Variants in MYOCD observed in about 807,000 individuals in gnomAD.
The protein encoded by MYOCD is myocardin.
A neutral mutation model predicts 96.1 loss-of-function variants in MYOCD; 32 were observed. The observed-to-expected ratio is 0.33, with a 90% CI of 0.25 to 0.45. The LOEUF is 0.45. Ranked by LOEUF, MYOCD falls within the 20% of genes least tolerant of loss-of-function variation. The pLI, the probability that MYOCD is intolerant of heterozygous loss-of-function variation, is 1.00. For missense variants in MYOCD, 1,133 were observed against 1,200.6 expected (o/e 0.94, Z 0.83); for synonymous variants, 469 against 469.0 (o/e 1.00, Z 0.00).
At chr17:12,726,982 A>T (rs2032018722) in intron 5 of MYOCD, among the ~76,000 whole-genome samples, 1 of 152,124 alleles carries the variant, frequency 6.6e-6, no homozygotes, top group African/African-American at 2.4e-5. Context: ...CCCCTCCTGA[A>T]TTTTAAAGTT....
rs1395139047 is a variant in MYOCD at position 12,722,982 on chromosome 17, A to C, written c.389A>C (p.Asp130Ala). The stretch of plus-strand genomic sequence containing the variant: ...GTGGAAAAAAACATTCTTCCTGTGG[A>C]TTCTGCTGTGAAAGAGGCCATAAAA... ...ELVEKNILPV[D>A]SAVKEAIKGN... The change falls in exon 5 of 14, where the codon GAT becomes GCT. Residue 130 changes from aspartate to alanine, a missense_variant. Coordinates refer to ENST00000425538, the MANE Select transcript of MYOCD (RefSeq NM_001146312.3). The C allele has an allele frequency of 3.7e-6, 6 of 1,613,850 alleles. No individual in the cohort carries two copies. In the African/African-American group the frequency reaches 8.0e-5, roughly 22 times the overall value.
chr17:12,756,694 T>TAAAAAAAAAA, intron 11 of MYOCD, 137 bp downstream of exon 11: 1 of 98,700 alleles, frequency 1.0e-5, no homozygotes, highest in Admixed American at 1.9e-4. Context: ...AGACTGCATC[T>TAAAAAAAAAA]CAAAAAAAAA....
intron 1 of MYOCD, among the ~76,000 whole-genome samples, chr17:12,686,133 A>T (rs534461443): frequency 6.6e-6 from 1 of 152,330 alleles, no homozygotes; most frequent in African/African-American, 2.4e-5. Flanking sequence ...TTGTAATCTC[A>T]TGGGAAAAAC....
At chr17:12,686,299 G>C (rs1169765931) in intron 1 of MYOCD, among the ~76,000 whole-genome samples, 1 of 152,210 alleles carries the variant, frequency 6.6e-6, no homozygotes, top group Non-Finnish European at 1.5e-5. Context: ...GGAAACTGAA[G>C]CTGCAGAGGT....
intron 1 of MYOCD, among the ~76,000 whole-genome samples, chr17:12,702,316 A>G (rs967176595): frequency 2.6e-5 from 4 of 152,020 alleles, no homozygotes; most frequent in Non-Finnish European, 4.4e-5. Context: ...ATCTCTGACA[A>G]AATAGACTTG....
At chr17:12,701,333 A>G (rs1260666729) in intron 1 of MYOCD, among the ~76,000 whole-genome samples, 2 of 152,012 alleles carry the variant, frequency 1.3e-5, no homozygotes, top group African/African-American at 4.8e-5. Flanking sequence ...AATCGCTTGA[A>G]CCTGGGAGTC....
chr17:12,680,613 G>A (rs1203436223), intron 1 of MYOCD, among the ~76,000 whole-genome samples: 1 of 152,176 alleles, frequency 6.6e-6, no homozygotes, highest in African/African-American at 2.4e-5. Context: ...GCGTGTGTGC[G>A]CGCTGTCTGC....
intron 2 of MYOCD, chr17:12,705,440 G>C (rs934619795): frequency 2.6e-6 from 1 of 378,204 alleles, no homozygotes; most frequent in African/African-American, 2.1e-5. Flanking sequence ...TTGTTCTCAG[G>C]GTAAACACAA....
In MYOCD at chr17:12,763,308, A is replaced by G; in HGVS notation, c.2625A>G (p.Lys875=). 6.2e-7 allele frequency: 1 copy of G among 1,609,366 alleles called. No homozygotes were observed. Among genetic ancestry groups the G allele is most frequent in the Non-Finnish European group, 8.5e-7 (1 of 1,178,190 alleles). ...LGKMSDVTLL[K]IGSEEPHFDG... ...AGATGAGTGATGTCACCCTTCTAAA[A>G]ATTGGGAGCGAAGAGCCTCACTTTG... Residue 875 remains lysine (K), a synonymous_variant, in exon 14 of 14, where the codon AAA becomes AAG. Transcript: ENST00000425538.
chr17:12,749,412 T>C (rs150180573), intron 9 of MYOCD, among the ~76,000 whole-genome samples: 17,595 of 151,548 alleles, frequency 0.12, 1,125 homozygotes, highest in East Asian at 0.2. Context: ...ACCTGTAATC[T>C]CAGCTACTCA....
At chr17:12,674,529 G>T (rs1278567467) in intron 1 of MYOCD, among the ~76,000 whole-genome samples, 1 of 152,146 alleles carries the variant, frequency 6.6e-6, no homozygotes, top group East Asian at 1.9e-4. Flanking sequence ...GAAGAGATTT[G>T]CTCTAAGACA....
In MYOCD at chr17:12,699,425, T is replaced by C. The variant is rs76998976; in HGVS notation, c.56-5703T>C. ...AGGCATGAGCCACCATGCCCAGCCT[T>C]CTTTGATCATATATTTCTCTTCTTT... On this transcript the variant is annotated intron_variant, in intron 1 of 13. Coordinates refer to ENST00000425538, the MANE Select transcript of MYOCD (RefSeq NM_001146312.3). Among the ~76,000 whole-genome samples the C allele has an allele frequency of 5.6e-3, 848 of 152,300 alleles. 6 individuals carry two copies. The highest frequency in any genetic ancestry group is 0.019 in the African/African-American group (782 of 41,550).
chr17:12,703,197 G>A (rs1253878949), intron 1 of MYOCD, among the ~76,000 whole-genome samples: 1 of 151,870 alleles, frequency 6.6e-6, no homozygotes, highest in African/African-American at 2.4e-5. Flanking sequence ...CATTGTTTCT[G>A]AAGAGAATTC....
chr17:12,672,842 A>G (rs1909787676), intron 1 of MYOCD, among the ~76,000 whole-genome samples: 1 of 152,196 alleles, frequency 6.6e-6, no homozygotes, highest in Non-Finnish European at 1.5e-5. Flanking sequence ...TTGTGCAGCA[A>G]TGATTAATGG....
chr17:12,676,189 TCTTA>T (rs1328166183), intron 1 of MYOCD, among the ~76,000 whole-genome samples: 5 of 151,620 alleles, frequency 3.3e-5, no homozygotes, highest in Non-Finnish European at 7.4e-5. Context: ...ATTTTAATCC[TCTTA>T]CTTGATATAG....
chr17:12,763,408 C>G lies in MYOCD; in HGVS notation c.2725C>G (p.Leu909Val), dbSNP rs1246630331. Reference sequence around the variant, plus strand: ...TGCACATGAGATCTTGCCAGGCCCCCTCTCTCCAATGCAGACACAGTTTTC... The same window carrying G: ...TGCACATGAGATCTTGCCAGGCCCCGTCTCTCCAATGCAGACACAGTTTTC... Reference protein sequence around the residue: ...FNAHEILPGPLSPMQTQFSPS... With the variant: ...FNAHEILPGPVSPMQTQFSPS... Residue 909 changes from leucine (L) to valine (V), a missense_variant, in exon 14 of 14, where the codon CTC (leucine) becomes GTC (valine). Coordinates refer to ENST00000425538, the MANE Select transcript of MYOCD (RefSeq NM_001146312.3). 10 of 1,607,278 alleles carry G rather than the reference C, an allele frequency of 6.2e-6. No homozygotes were observed. The highest frequency in any genetic ancestry group is 8.5e-6 in the Non-Finnish European group (10 of 1,175,818).
In MYOCD at chr17:12,756,525, C is replaced by T. The variant is rs896899158; in HGVS notation, c.2170C>T (p.Pro724Ser). 6.4e-7 allele frequency: 1 copy of T among 1,551,270 alleles called. No homozygotes were observed. Among genetic ancestry groups the T allele is most frequent in the African/African-American group, 1.4e-5 (1 of 72,918 alleles). ...ADSSHGAGGN[P>S]CPKSPCVQQK... ...CAGCAGTCATGGTGCCGGGGGAAAC[C>T]CTTGTCCCAAAAGCCCATGTGTACA... Residue 724 changes from proline to serine, a missense_variant, in exon 11 of 14, where the codon CCT becomes TCT. Pro to Ser is a moderately conservative substitution (Grantham distance 74). Coordinates refer to ENST00000425538, the MANE Select transcript of MYOCD (RefSeq NM_001146312.3).
chr17:12,679,123 T>C (rs769781809), intron 1 of MYOCD, among the ~76,000 whole-genome samples: 1 of 152,194 alleles, frequency 6.6e-6, no homozygotes, highest in Non-Finnish European at 1.5e-5. Context: ...CAAGGGAACA[T>C]GGTCTTTTCA....
intron 1 of MYOCD, among the ~76,000 whole-genome samples, chr17:12,677,258 G>T (rs944392854): frequency 1.3e-5 from 2 of 152,118 alleles, no homozygotes; most frequent in African/African-American, 4.8e-5. Flanking sequence ...TCGGAGGGTG[G>T]AGGATGGGAG....
Sources: allele counts gnomAD v4.1 joint callset (sites outside exome capture counted in the v4.1 genomes callset), GRCh38; gene constraint gnomAD v4.1.1; transcripts MANE v1.5; gene names NCBI Gene and HGNC (gene_info 2026-07-23, HGNC 2026-07-21).